CPNE4: variants seen among roughly 807,000 people sequenced by gnomAD.
The protein encoded by CPNE4 is copine-4.
In CPNE4, 25 loss-of-function variants were observed where a neutral mutation model predicts 67.9. The observed-to-expected ratio is 0.37, with a 90% confidence interval of 0.27 to 0.51. The LOEUF (loss-of-function observed/expected upper bound fraction) is 0.51, where lower values mean the gene tolerates loss of function less well. Among genes scored for constraint, CPNE4 ranks in the 20% least tolerant of loss-of-function variants. The pLI is 0.93. For missense variants in CPNE4, 464 were observed against 690.8 expected (o/e 0.67, Z 3.68); for synonymous variants, 242 against 244.9 (o/e 0.99, Z 0.11).
chr3:131,691,147 G>A (rs1349929726), intron 5 of CPNE4, among the ~76,000 whole-genome samples: 1 of 152,132 alleles, frequency 6.6e-6, no homozygotes, highest in Non-Finnish European at 1.5e-5. Flanking sequence ...GCAGTTTGGA[G>A]ATTTCTTAAA....
At position 131,892,609 on chromosome 3, in the gene CPNE4, C is replaced by G. The variant is rs112539252; in HGVS notation, c.180+12655G>C. 9.5e-3 allele frequency among the ~76,000 whole-genome samples: 1,437 copies of G among 151,968 alleles called. 17 individuals are homozygous for G. Among genetic ancestry groups the G allele is most frequent in the African/African-American group, 0.033 (1,373 of 41,450 alleles). ...TATAAAGGTTTAAAGTCAAAATAGT[C>G]AAAAACAACAAAAGCTACATTTAGT... On this transcript the variant is annotated intron_variant, in intron 2 of 15. Transcript: ENST00000429747.
At chr3:131,548,992 G>A (rs1362802448) in intron 14 of CPNE4, among the ~76,000 whole-genome samples, 2 of 152,124 alleles carry the variant, frequency 1.3e-5, no homozygotes, top group Non-Finnish European at 2.9e-5. Flanking sequence ...TATTGAATGA[G>A]TACTTGTTAA....
chr3:131,741,469 C>T (rs1346102359), intron 2 of CPNE4, among the ~76,000 whole-genome samples: 6 of 151,982 alleles, frequency 3.9e-5, no homozygotes, highest in African/African-American at 1.2e-4. Context: ...AATAATAAGC[C>T]ATCTCAGAAA....
chr3:131,939,084 A>G (rs140198026), intron 1 of CPNE4, among the ~76,000 whole-genome samples: 7 of 152,312 alleles, frequency 4.6e-5, no homozygotes, highest in African/African-American at 1.4e-4. Context: ...TAGCAATACC[A>G]TTCCGAATTG....
chr3:131,646,837 G>A (rs147457268), intron 7 of CPNE4, among the ~76,000 whole-genome samples: 66 of 152,316 alleles, frequency 4.3e-4, no homozygotes, highest in African/African-American at 1.5e-3. Flanking sequence ...AAAGTTCTAG[G>A]CATCCAGTGA....
At position 132,020,111 on chromosome 3, in the gene CPNE4, A is replaced by G. The variant is rs1245183451; in HGVS notation, c.-2+14456T>C. Among the ~76,000 whole-genome samples, 10 of 10,000 alleles carry G rather than the reference A, an allele frequency of 1.0e-3. No homozygotes were observed. In the African/African-American group the frequency reaches 0.013, roughly 13 times the overall value. The allele number at this position is 10,000 out of a possible 152,430, so 6.6% of individuals were successfully genotyped here. ...CTTACCCTTCTCTTCCCAAATGGAA[A>G]AAAGTGACCCGTCCTGCACATGGGA... On this transcript the variant is annotated intron_variant, in intron 1 of 15. Transcript: ENST00000429747.
chr3:131,865,673 T>C (rs561467987), intron 2 of CPNE4, among the ~76,000 whole-genome samples: 3 of 152,206 alleles, frequency 2.0e-5, no homozygotes, highest in Non-Finnish European at 2.9e-5. Flanking sequence ...AAACAAGGCA[T>C]AGCAGACAGC....
intron 7 of CPNE4, among the ~76,000 whole-genome samples, chr3:131,606,540 C>T (rs893890606): frequency 1.2e-4 from 19 of 152,194 alleles, no homozygotes; most frequent in African/African-American, 4.6e-4. Context: ...CGTTTTATCA[C>T]TACTATTCGT....
At chr3:131,942,477 A>T (rs1385359609) in intron 1 of CPNE4, among the ~76,000 whole-genome samples, 9,754 of 92,836 alleles carry the variant, frequency 0.11, 202 homozygotes, top group African/African-American at 0.17. Flanking sequence ...AGAGAGAGAG[A>T]GAGAGAGAGA....
At chr3:131,616,765 A>G (rs1394235541) in intron 7 of CPNE4, among the ~76,000 whole-genome samples, 1 of 152,236 alleles carries the variant, frequency 6.6e-6, no homozygotes, top group African/African-American at 2.4e-5. Context: ...GCACATAAAA[A>G]TGCAAGGAAT....
At chr3:131,847,906 T>C (rs2086065838) in intron 2 of CPNE4, among the ~76,000 whole-genome samples, 1 of 152,134 alleles carries the variant, frequency 6.6e-6, no homozygotes, top group Non-Finnish European at 1.5e-5. Context: ...ATTTAGGTAG[T>C]AGGTCTCTGA....
chr3:131,904,079 G>A (rs918675133), intron 2 of CPNE4, among the ~76,000 whole-genome samples: 11 of 152,224 alleles, frequency 7.2e-5, no homozygotes, highest in African/African-American at 2.6e-4. Context: ...TCACAGAAAT[G>A]TCATTCCATT....
upstream of CPNE4, among the ~76,000 whole-genome samples, chr3:132,038,462 T>G (rs1211074030): frequency 6.6e-6 from 1 of 152,204 alleles, no homozygotes; most frequent in South Asian, 2.1e-4. Flanking sequence ...TAGCTTTTCT[T>G]TCCTGTATTT....
At chr3:131,645,593 A>G (rs2079645229) in intron 7 of CPNE4, among the ~76,000 whole-genome samples, 1 of 152,228 alleles carries the variant, frequency 6.6e-6, no homozygotes, top group Non-Finnish European at 1.5e-5. Context: ...AAATTTTAAA[A>G]GATCCAAAGT....
chr3:131,987,722 C>T (rs1270948198), intron 1 of CPNE4, among the ~76,000 whole-genome samples: 1 of 152,066 alleles, frequency 6.6e-6, no homozygotes, highest in Non-Finnish European at 1.5e-5. Flanking sequence ...GTATACTTTA[C>T]ACAACAAAAT....
intron 1 of CPNE4, among the ~76,000 whole-genome samples, chr3:131,922,359 T>C (rs1438355896): frequency 6.6e-6 from 1 of 152,214 alleles, no homozygotes; most frequent in Non-Finnish European, 1.5e-5. Flanking sequence ...CCTTCGCTAT[T>C]GTGAAGAACA....
At chr3:131,903,792 T>C (rs897279787) in intron 2 of CPNE4, among the ~76,000 whole-genome samples, 2 of 152,180 alleles carry the variant, frequency 1.3e-5, no homozygotes, top group South Asian at 2.1e-4. Flanking sequence ...TTAGGTCATA[T>C]TGTTTCAAGT....
In CPNE4 at chr3:131,669,716, C is replaced by T. The variant is rs778789811; in HGVS notation, c.640G>A (p.Val214Ile). The T allele has an allele frequency of 4.3e-6, 7 of 1,613,760 alleles. No homozygotes were observed. In the African/African-American group the frequency reaches 6.7e-5, roughly 15 times the overall value. Residue 214 changes from valine to isoleucine, a missense_variant, in exon 7 of 16, where the codon GTA becomes ATA. This residue lies in a region of CPNE4 where 58 missense variants were observed against 63.5 expected (regional missense o/e 0.91). Transcript: ENST00000429747. Reference sequence around the variant, plus strand: ...GGGTCTCCGCTGCATAGAGAATTTACAGATACTTTGAATGATTTCCAGGCT... The same window carrying T: ...GGGTCTCCGCTGCATAGAGAATTTATAGATACTTTGAATGATTTCCAGGCT... The part of the protein sequence containing the change: ...SPAWKSFKVS[V>I]NSLCSGDPDR...
chr3:131,902,869 GA>G (rs200751982), intron 2 of CPNE4, among the ~76,000 whole-genome samples: 18 of 151,578 alleles, frequency 1.2e-4, no homozygotes, highest in African/African-American at 2.9e-4. Context: ...ATTTAGAAGG[GA>G]AAAAAAAGAT....
Sources: gnomAD v4.1 joint callset for allele counts (sites outside exome capture counted in the v4.1 genomes callset) on GRCh38, gnomAD v4.1.1 for gene constraint, gnomAD v4.1.1 regional missense constraint, MANE v1.5 for transcripts, NCBI Gene and HGNC (gene_info 2026-07-23, HGNC 2026-07-21) for gene names.